The following KATNB1 variants were observed in gnomAD, a reference collection of about 807,000 sequenced individuals.
KATNB1 encodes katanin p80 WD40 repeat-containing subunit B1.
In KATNB1, 38 loss-of-function variants were observed where a neutral mutation model predicts 82.3. The observed-to-expected ratio is 0.46, with a 90% CI of 0.36 to 0.61. The LOEUF (loss-of-function observed/expected upper bound fraction) is 0.61, where lower values mean the gene tolerates loss of function less well. KATNB1 is among the 20% of genes least tolerant of loss of function. The pLI is 0.00. For synonymous variants in KATNB1, 361 were observed against 368.7 expected, an observed-to-expected ratio of 0.98 and a Z score of 0.24; for missense variants, 749 against 915.7, an observed-to-expected ratio of 0.82 and a Z score of 2.35.
intron 8 of KATNB1, 142 bp downstream of exon 8, chr16:57,752,197 C>T: frequency 1.5e-6 from 1 of 685,664 alleles, no homozygotes; most frequent in Non-Finnish European, 2.6e-6. Context: ...TGGATTTCAG[C>T]CGAGCCAGGA....
intron 4 of KATNB1, among the ~76,000 whole-genome samples, chr16:57,748,702 G>T (rs955237572): frequency 2.0e-5 from 3 of 152,216 alleles, no homozygotes; most frequent in Non-Finnish European, 4.4e-5. Context: ...AAGGGCAGGA[G>T]TCAAGCCGGA....
rs577563835 is a variant in KATNB1 at position 57,737,412 on chromosome 16, T to A, written c.40+129T>A. ...GAGACTCCTAGACTTGGGAGTAAGATAGACCATTATGTAAATCATGACTGT... is the reference window on the plus strand; with the variant it reads ...GAGACTCCTAGACTTGGGAGTAAGAAAGACCATTATGTAAATCATGACTGT... On this transcript the variant is annotated intron_variant, in intron 2 of 19. Coordinates refer to ENST00000379661, the MANE Select transcript of KATNB1 (RefSeq NM_005886.3). The A allele has an allele frequency of 5.3e-5, 53 of 996,808 alleles. No homozygotes were observed. The African/African-American group carries it at 7.7e-4, about 14-fold the overall frequency. 61.7% of individuals were successfully genotyped at this position (996,808 alleles called of 1,614,324 possible).
intron 2 of KATNB1, among the ~76,000 whole-genome samples, chr16:57,739,354 T>G (rs1428604539): frequency 6.6e-6 from 1 of 152,172 alleles, no homozygotes; most frequent in Non-Finnish European, 1.5e-5. Flanking sequence ...GTGGCCCACA[T>G]GAGGTCGTTG....
In KATNB1 at chr16:57,750,891, G is replaced by C. The variant is rs1555582862; in HGVS notation, c.354G>C (p.Glu118Asp). The C allele has an allele frequency of 6.2e-7, 1 of 1,614,052 alleles. No individual in the cohort carries two copies. The highest frequency in any genetic ancestry group is 1.7e-5 in the Admixed American group (1 of 60,006). ...ICSLDFHPYG[E>D]FVASGSQDTN... ...GCCTGGATTTCCACCCGTACGGCGA[G>C]TTTGTAGCCTCTGGTTCCCAGGACA... The change falls in exon 5 of 20, where the codon GAG (glutamate) becomes GAC (aspartate). Residue 118 changes from glutamate to aspartate, a missense_variant. Around this residue, in one of 3 missense-constraint regions of KATNB1, gnomAD observed 247 missense variants for 349.4 expected, o/e 0.71. Coordinates refer to ENST00000379661, the MANE Select transcript of KATNB1 (RefSeq NM_005886.3).
At chr16:57,755,650 C>A in intron 16 of KATNB1, 156 bp downstream of exon 16, 1 of 1,082,972 alleles carries the variant, frequency 9.2e-7, no homozygotes, top group Non-Finnish European at 1.3e-6. Flanking sequence ...CCATCATCAT[C>A]ATCATCACAG....
At chr16:57,750,355 C>T (rs192473592) in intron 4 of KATNB1, among the ~76,000 whole-genome samples, 49 of 152,286 alleles carry the variant, frequency 3.2e-4, no homozygotes, top group African/African-American at 9.6e-4. Context: ...GTTGGCAGGA[C>T]GCAGTGGCTC....
chr16:57,752,449 A>C, intron 8 of KATNB1, 81 bp from the exon 9 acceptor site: 27 of 1,284,728 alleles, frequency 2.1e-5, no homozygotes, highest in Non-Finnish European at 2.8e-5. Context: ...AGAGGTTTCT[A>C]GAGAAAAGCT....
intron 3 of KATNB1, 35 bp downstream of exon 3, chr16:57,741,852 G>A: frequency 1.2e-6 from 2 of 1,602,104 alleles, no homozygotes; most frequent in Non-Finnish European, 8.5e-7. Context: ...GTCAGGACAA[G>A]GGCCTGGGGA....
In KATNB1 at chr16:57,757,213, A is replaced by C; in HGVS notation, c.*267A>C. The C allele has an allele frequency of 2.8e-6, 1 of 354,262 alleles. No individual in the cohort carries two copies. Among genetic ancestry groups the C allele is most frequent in the Non-Finnish European group, 5.0e-6 (1 of 198,346 alleles). The allele number at this position is 354,262 out of a possible 1,614,324, so 21.9% of individuals were successfully genotyped here. ...AGCCCTGGGGCTGCTGCTGTAATTT[A>C]TAAGGCAAATTTTATTAAATTTGTA... On this transcript the variant is annotated 3_prime_UTR_variant, in exon 20 of 20. Transcript: ENST00000379661.
intron 2 of KATNB1, 64 bp downstream of exon 2, chr16:57,737,347 C>G: frequency 6.4e-7 from 1 of 1,569,624 alleles, no homozygotes; most frequent in Non-Finnish European, 8.7e-7. Flanking sequence ...TGCTGGGAGG[C>G]CTGAACCCAC....
Position 57,756,971 on chromosome 16 carries a change from G to T in KATNB1, c.*25G>T. On this transcript the variant is annotated 3_prime_UTR_variant, in exon 20 of 20. Transcript: ENST00000379661. Reference sequence around the variant, plus strand: ...AGGAAAGCAGTGGGCAGGGGCGCTCGGCAGCCCACAGGGCCTGGCCTCAGC... The same window carrying T: ...AGGAAAGCAGTGGGCAGGGGCGCTCTGCAGCCCACAGGGCCTGGCCTCAGC... The T allele has an allele frequency of 6.7e-7, 1 of 1,491,250 alleles. No homozygotes were observed. The highest frequency in any genetic ancestry group is 1.3e-5 in the South Asian group (1 of 76,956). The allele number at this position is 1,491,250 out of a possible 1,614,324, so 92.4% of individuals were successfully genotyped here.
At position 57,753,535 on chromosome 16, in the gene KATNB1, C is replaced by G. The variant is rs782661729; in HGVS notation, c.1177+16C>G. The G allele has an allele frequency of 2.5e-6, 4 of 1,611,824 alleles. No homozygotes were observed. The South Asian group carries it at 3.3e-5, about 13-fold the overall frequency. On this transcript the variant is annotated intron_variant, in intron 12 of 19. Transcript: ENST00000379661. ...AACAGCATCAGTGAGGCCGGGCTCC[C>G]GCCCCCAGCCCAGCGTCCCCATCGG...
At chr16:57,744,015 T>C (rs953350028) in intron 3 of KATNB1, among the ~76,000 whole-genome samples, 3 of 151,854 alleles carry the variant, frequency 2.0e-5, no homozygotes, top group Non-Finnish European at 2.9e-5. Context: ...TGGGGCAGAG[T>C]GAAGATGGGA....
rs782099693 is a variant in KATNB1 at position 57,753,160 on chromosome 16, G to C, written c.939G>C (p.Arg313=). The C allele has an allele frequency of 1.8e-5, 29 of 1,610,838 alleles. No individual in the cohort carries two copies. Among genetic ancestry groups the C allele is most frequent in the Non-Finnish European group, 2.5e-5 (29 of 1,179,766 alleles). The stretch of plus-strand genomic sequence containing the variant: ...TCACCAGGACTGGCACGGTGGCCCG[G>C]GACCCTGTGCAGGACCACCGGCCCC... The part of the protein sequence containing the change: ...TRVTRTGTVA[R]DPVQDHRPLA... The change falls in exon 11 of 20, where the codon CGG becomes CGC. Residue 313 remains arginine, a synonymous_variant. Coordinates refer to ENST00000379661, the MANE Select transcript of KATNB1 (RefSeq NM_005886.3).
At position 57,755,390 on chromosome 16, in the gene KATNB1, A is replaced by G; in HGVS notation, c.1462A>G (p.Met488Val). The G allele has an allele frequency of 6.2e-7, 1 of 1,613,322 alleles. No individual in the cohort carries two copies. Among genetic ancestry groups the G allele is most frequent in the Non-Finnish European group, 8.5e-7 (1 of 1,180,020 alleles). The change falls in exon 16 of 20, where the codon ATG (methionine) becomes GTG (valine). Residue 488 changes from methionine to valine, a missense_variant. Met to Val is a conservative substitution (Grantham distance 21). This residue lies in a region of KATNB1 where 407 missense variants were observed against 434.7 expected (regional missense o/e 0.94). Transcript: ENST00000379661. ...GGCCGAGCTGGTGGACGAGGATGCC[A>G]TGTCACAGATCCGCAAAGGCCACGA... ...QQAELVDEDA[M>V]SQIRKGHDTM...
intron 4 of KATNB1, among the ~76,000 whole-genome samples, chr16:57,746,821 T>A (rs1382792059): frequency 6.6e-6 from 1 of 152,254 alleles, no homozygotes; most frequent in Non-Finnish European, 1.5e-5. Flanking sequence ...CAACATTTGT[T>A]TTAGAACACC....
chr16:57,737,827 A>C (rs750010758), intron 2 of KATNB1, among the ~76,000 whole-genome samples: 1 of 152,172 alleles, frequency 6.6e-6, no homozygotes, highest in Non-Finnish European at 1.5e-5. Context: ...TTTCATCTGA[A>C]GACTTCATAC....
Position 57,756,249 on chromosome 16 carries a change from G to T in KATNB1, c.1719-107G>T, listed in dbSNP as rs34131744. 86,633 of 1,131,520 alleles carry T rather than the reference G, an allele frequency of 0.077. 3,735 individuals carry two copies. The highest frequency in any genetic ancestry group is 0.13 in the African/African-American group (8,725 of 65,776). 70.1% of individuals were successfully genotyped at this position (1,131,520 alleles called of 1,614,324 possible). On this transcript the variant is annotated intron_variant, in intron 18 of 19. Transcript: ENST00000379661. ...ACAGGCGTGTGTGGGTGTATGTGTG[G>T]GTGTGTCTGTGTCTGTTTCTGCCCC...
chr16:57,749,855 T>C (rs2049212207), intron 4 of KATNB1, among the ~76,000 whole-genome samples: 1 of 152,188 alleles, frequency 6.6e-6, no homozygotes, highest in Non-Finnish European at 1.5e-5. Flanking sequence ...GTGTCCTCCC[T>C]GTGTCCTCTC....
Sources: allele counts gnomAD v4.1 joint callset (sites outside exome capture counted in the v4.1 genomes callset), GRCh38; gene constraint gnomAD v4.1.1; regional missense constraint gnomAD v4.1.1; transcripts MANE v1.5; gene names NCBI Gene and HGNC (gene_info 2026-07-23, HGNC 2026-07-21).